Variants in CAMK1D observed in about 807,000 individuals in gnomAD.
The protein encoded by CAMK1D is calcium/calmodulin dependent protein kinase ID.
A neutral mutation model predicts 47.7 loss-of-function variants in CAMK1D; 9 were observed. That is an observed-to-expected ratio of 0.19 (90% confidence interval 0.11 to 0.33). CAMK1D has a LOEUF of 0.33. CAMK1D is among the 10% of genes least tolerant of loss of function. The pLI, the probability that CAMK1D is intolerant of heterozygous loss-of-function variation, is 1.00. For synonymous variants in CAMK1D, 184 were observed against 184.9 expected, an observed-to-expected ratio of 0.99 and a Z score of 0.04; for missense variants, 291 against 488.7, an observed-to-expected ratio of 0.60 and a Z score of 3.81.
At chr10:12,450,463 A>G (rs1439139976) in intron 1 of CAMK1D, among the ~76,000 whole-genome samples, 6 of 152,226 alleles carry the variant, frequency 3.9e-5, no homozygotes, top group Non-Finnish European at 5.9e-5. Context: ...TCGAAGCTTT[A>G]GAGACATAAA....
intron 3 of CAMK1D, among the ~76,000 whole-genome samples, chr10:12,676,917 AT>A (rs1308617539): frequency 6.6e-6 from 1 of 152,212 alleles, no homozygotes; most frequent in Admixed American, 6.5e-5. Context: ...ATCTTGTTCC[AT>A]TTACTACAAT....
At chr10:12,668,265 G>A (rs1409957260) in intron 3 of CAMK1D, among the ~76,000 whole-genome samples, 2 of 152,180 alleles carry the variant, frequency 1.3e-5, no homozygotes, top group Admixed American at 1.3e-4. Context: ...TTGCCTAATT[G>A]GAAGATTATG....
chr10:12,415,253 A>G (rs1839802502), intron 1 of CAMK1D, among the ~76,000 whole-genome samples: 1 of 151,550 alleles, frequency 6.6e-6, no homozygotes, highest in Admixed American at 6.6e-5. Context: ...TTCCTTGAGT[A>G]TCTTGGAGTA....
intron 3 of CAMK1D, among the ~76,000 whole-genome samples, chr10:12,729,532 G>T (rs1352660656): frequency 6.6e-6 from 1 of 152,150 alleles, no homozygotes; most frequent in Non-Finnish European, 1.5e-5. Flanking sequence ...CAGCTACGTG[G>T]AAGGGTGAGG....
At chr10:12,491,259 G>A (rs939050274) in intron 1 of CAMK1D, among the ~76,000 whole-genome samples, 6 of 152,152 alleles carry the variant, frequency 3.9e-5, no homozygotes, top group Non-Finnish European at 5.9e-5. Context: ...CTGTTCTGCT[G>A]TGTAACTGAT....
chr10:12,521,695 C>G (rs1835420521), intron 1 of CAMK1D, among the ~76,000 whole-genome samples: 1 of 152,152 alleles, frequency 6.6e-6, no homozygotes. Context: ...GTTGAAATAA[C>G]CATCCAAGTA....
intron 1 of CAMK1D, among the ~76,000 whole-genome samples, chr10:12,386,594 G>C (rs1838502552): frequency 6.6e-6 from 1 of 152,172 alleles, no homozygotes; most frequent in Non-Finnish European, 1.5e-5. Flanking sequence ...GACGTGGGCA[G>C]ACAATATACT....
rs141723919 is a variant in CAMK1D, at chr10:12,643,811, G to A, written c.225-22925G>A. 9.2e-3 allele frequency among the ~76,000 whole-genome samples: 1,395 copies of A among 151,880 alleles called. 25 individuals are homozygous for A. Among genetic ancestry groups the A allele is most frequent in the African/African-American group, 0.032 (1,314 of 41,372 alleles). ...AGGCACGAGAATTGCTTGAACCTGGGGGGCGGAGGTTGCAGTGAGCTGAGA... is the reference window on the plus strand; with the variant it reads ...AGGCACGAGAATTGCTTGAACCTGGAGGGCGGAGGTTGCAGTGAGCTGAGA... On this transcript the variant is annotated intron_variant, in intron 2 of 10. Transcript: ENST00000619168.
chr10:12,651,330 C>T (rs960562298), intron 2 of CAMK1D, among the ~76,000 whole-genome samples: 4 of 152,204 alleles, frequency 2.6e-5, no homozygotes, highest in Non-Finnish European at 5.9e-5. Flanking sequence ...TGTGTGTATG[C>T]GCACATCTCC....
intron 1 of CAMK1D, among the ~76,000 whole-genome samples, chr10:12,527,204 GA>G (rs1179589984): frequency 6.6e-6 from 1 of 151,608 alleles, no homozygotes; most frequent in African/African-American, 2.4e-5. Flanking sequence ...AAGTAAGAGA[GA>G]AAAAAAGAAA....
intron 2 of CAMK1D, among the ~76,000 whole-genome samples, chr10:12,607,160 C>G (rs924407859): frequency 6.6e-6 from 1 of 152,178 alleles, no homozygotes; most frequent in Non-Finnish European, 1.5e-5. Context: ...AGTTCCATCT[C>G]TCTCGTCCAT....
At chr10:12,653,100 T>A (rs1161936885) in intron 2 of CAMK1D, 1 of 154,222 alleles carries the variant, frequency 6.5e-6, no homozygotes, top group African/African-American at 2.4e-5. Context: ...TTCTGCAGAG[T>A]CCTGAGGCAT....
At chr10:12,724,982 C>T (rs1199290037) in intron 3 of CAMK1D, among the ~76,000 whole-genome samples, 7 of 152,178 alleles carry the variant, frequency 4.6e-5, no homozygotes, top group Non-Finnish European at 1.0e-4. Flanking sequence ...TTTCTTTCAA[C>T]CACATCTCTT....
intron 1 of CAMK1D, among the ~76,000 whole-genome samples, chr10:12,441,335 C>A (rs761924306): frequency 1.3e-5 from 2 of 152,030 alleles, no homozygotes; most frequent in Non-Finnish European, 2.9e-5. Context: ...GTAGCTGGGA[C>A]TACAGGCATA....
intron 6 of CAMK1D, among the ~76,000 whole-genome samples, chr10:12,794,921 C>T (rs1455620843): frequency 2.0e-5 from 3 of 152,206 alleles, no homozygotes; most frequent in Non-Finnish European, 4.4e-5. Flanking sequence ...TTCATCTTTT[C>T]TCACCATACA....
chr10:12,817,871 TAG>T (rs1832859593), intron 8 of CAMK1D, among the ~76,000 whole-genome samples: 1 of 152,076 alleles, frequency 6.6e-6, no homozygotes, highest in Non-Finnish European at 1.5e-5. Context: ...GTATTTTTAG[TAG>T]AGACAGGGTT....
chr10:12,685,008 CTTTAACAA>C (rs1832595873), intron 3 of CAMK1D, among the ~76,000 whole-genome samples: 1 of 152,216 alleles, frequency 6.6e-6, no homozygotes, highest in Admixed American at 6.5e-5. Flanking sequence ...TTCCAAAGGT[CTTTAACAA>C]CAGCCATTAC....
Position 12,725,390 on chromosome 10 carries a change from T to G in CAMK1D, c.300-35558T>G, listed in dbSNP as rs563642134. On this transcript the variant is annotated intron_variant, in intron 3 of 10. Transcript: ENST00000619168. ...TGAAAGTATTTGTAGCTTCTTTCCA[T>G]TAAACTCAAAAGTAGGGGGTTTTCT... 4 of 155,914 alleles carry G rather than the reference T, an allele frequency of 2.6e-5. No individual in the cohort carries two copies. In the South Asian group the frequency reaches 8.1e-4, roughly 32 times the overall value. The allele number at this position is 155,914 out of a possible 1,614,324, so 9.7% of individuals were successfully genotyped here. A position where few individuals can be genotyped will look rare whatever the true frequency, so the allele number is the denominator to read the frequency against.
rs1196580999 is a variant in CAMK1D, at chr10:12,437,746, A to C, written c.92+87836A>C. On this transcript the variant is annotated intron_variant, in intron 1 of 10. Transcript: ENST00000619168. ...TATGGATTTGGACAAATAGCTAATGACATGGATCCACCATGATCGTATCAT... is the reference window on the plus strand; with the variant it reads ...TATGGATTTGGACAAATAGCTAATGCCATGGATCCACCATGATCGTATCAT... Among the ~76,000 whole-genome samples, 3 of 152,298 alleles carry C rather than the reference A, an allele frequency of 2.0e-5. No homozygotes were observed. The East Asian group carries it at 5.8e-4, about 29-fold the overall frequency.
Sources: gnomAD v4.1 joint callset for allele counts (sites outside exome capture counted in the v4.1 genomes callset) on GRCh38, gnomAD v4.1.1 for gene constraint, MANE v1.5 for transcripts, NCBI Gene and HGNC (gene_info 2026-07-23, HGNC 2026-07-21) for gene names.